The following UPF2 variants were observed in gnomAD, a reference collection of about 807,000 sequenced individuals.
UPF2 encodes regulator of nonsense transcripts 2.
A neutral mutation model predicts 141.4 loss-of-function variants in UPF2; 17 were observed. The ratio of observed to expected loss-of-function variants is 0.12; its 90% CI spans 0.08 to 0.18. UPF2 has a LOEUF of 0.18. Ranked by LOEUF, UPF2 falls within the 10% of genes least tolerant of loss-of-function variation. The pLI, the probability that UPF2 is intolerant of heterozygous loss-of-function variation, is 1.00. For synonymous variants in UPF2, 540 were observed against 498.0 expected, an observed-to-expected ratio of 1.08 and a Z score of -1.12; for missense variants, 1,152 against 1,515.9, an observed-to-expected ratio of 0.76 and a Z score of 3.99.
At chr10:12,004,117 G>C (rs1833996690) in intron 5 of UPF2, among the ~76,000 whole-genome samples, 1 of 151,956 alleles carries the variant, frequency 6.6e-6, no homozygotes. Context: ...CGACCTAAAA[G>C]CTCTGACTTC....
intron 18 of UPF2, among the ~76,000 whole-genome samples, chr10:11,938,352 C>T (rs1430432074): frequency 6.6e-6 from 1 of 151,992 alleles, no homozygotes; most frequent in Non-Finnish European, 1.5e-5. Flanking sequence ...TTTTCTATCA[C>T]AATGTGACAT....
intron 10 of UPF2, among the ~76,000 whole-genome samples, chr10:11,966,304 T>G (rs1833318830): frequency 6.6e-6 from 1 of 152,270 alleles, no homozygotes; most frequent in Admixed American, 6.5e-5. Context: ...ATATTTACTC[T>G]GTTACTTGAC....
At chr10:12,003,556 C>A (rs1021880052) in intron 5 of UPF2, among the ~76,000 whole-genome samples, 1 of 152,108 alleles carries the variant, frequency 6.6e-6, no homozygotes, top group African/African-American at 2.4e-5. Context: ...ACAATGTTAA[C>A]AATTTTAAAT....
chr10:12,016,551 G>A lies in UPF2; in HGVS notation c.1146-2367C>T, dbSNP rs535429984. Among the ~76,000 whole-genome samples the A allele has an allele frequency of 9.2e-5, 14 of 152,036 alleles. 1 individual carries two copies. The highest frequency in any genetic ancestry group is 6.2e-4 in the South Asian group (3 of 4,818). On this transcript the variant is annotated intron_variant, in intron 3 of 21. Coordinates refer to ENST00000357604, the MANE Select transcript of UPF2 (RefSeq NM_015542.4). The surrounding 1 kb of genome is among the most constrained non-coding windows in gnomAD (Gnocchi z 4.1). ...TCTACTAAAAATACAAAAATTAGCC[G>A]GGTGTGGTGGTAGGTGCCTGTAATC... is the stretch of plus-strand genomic sequence containing the variant.
chr10:11,951,122 G>T (rs182482325), intron 15 of UPF2, among the ~76,000 whole-genome samples: 1 of 152,080 alleles, frequency 6.6e-6, no homozygotes, highest in African/African-American at 2.4e-5. Context: ...TAGTGCAATG[G>T]CGTGATCTTG....
At position 11,998,635 on chromosome 10, in the gene UPF2, G is replaced by GT. The variant is rs1232167441; in HGVS notation, c.1759-879dup. 6.6e-6 allele frequency among the ~76,000 whole-genome samples: 1 copy of GT among 151,952 alleles called. No homozygotes were observed. The highest frequency in any genetic ancestry group is 1.5e-5 in the Non-Finnish European group (1 of 67,948). ...TGGGAGGCCGAGGTGGGTGGATCAC[G>GT]TGAGGTCAGGAGTTCAAGACCAGCC... On this transcript the variant is annotated intron_variant, in intron 7 of 21. Coordinates refer to ENST00000357604, the MANE Select transcript of UPF2 (RefSeq NM_015542.4). This position sits in a 1 kb window ranked among gnomAD's most constrained non-coding sequence, Gnocchi z 4.5.
intron 19 of UPF2, among the ~76,000 whole-genome samples, chr10:11,932,711 A>C (rs1449677943): frequency 1.3e-5 from 2 of 152,240 alleles, no homozygotes; most frequent in African/African-American, 4.8e-5. Flanking sequence ...TGATAAAAAT[A>C]TTGAAGTCAC....
At chr10:11,961,486 A>G (rs1243662042) in intron 11 of UPF2, among the ~76,000 whole-genome samples, 1 of 151,926 alleles carries the variant, frequency 6.6e-6, no homozygotes, top group African/African-American at 2.4e-5. Flanking sequence ...GTGTGTTCCT[A>G]GTAGGGAGCA....
rs371689361 is a variant in UPF2, at chr10:11,948,040, G to C, written c.3174+329C>G. Among the ~76,000 whole-genome samples, 3 of 151,688 alleles carry C rather than the reference G, an allele frequency of 2.0e-5. No individual in the cohort carries two copies. In the South Asian group the frequency reaches 6.2e-4, roughly 31 times the overall value. The stretch of plus-strand genomic sequence containing the variant: ...AGAGGGGCAGATCACCTGAAGTCAG[G>C]GGTTCAAGACCAGCCTGGCCAACAT... On this transcript the variant is annotated intron_variant, in intron 16 of 21. Transcript: ENST00000357604.
In UPF2 at chr10:11,921,167, C is replaced by T; in HGVS notation, c.*131G>A. 7.8e-7 allele frequency: 1 copy of T among 1,281,522 alleles called. No individual in the cohort carries two copies. Among genetic ancestry groups the T allele is most frequent in the Non-Finnish European group, 1.1e-6 (1 of 877,064 alleles). 79.4% of individuals were successfully genotyped at this position (1,281,522 alleles called of 1,614,324 possible). A position where few individuals can be genotyped will look rare whatever the true frequency, so the allele number is the denominator to read the frequency against. Reference sequence around the variant, plus strand: ...TTTCTGCCTCCTGGCCCCAGCCTGTCCCAGGTTTAGATTCGCAACTCTCTA... The same window carrying T: ...TTTCTGCCTCCTGGCCCCAGCCTGTTCCAGGTTTAGATTCGCAACTCTCTA... On this transcript the variant is annotated 3_prime_UTR_variant, in exon 22 of 22. Coordinates refer to ENST00000357604, the MANE Select transcript of UPF2 (RefSeq NM_015542.4). This position sits in a 1 kb window ranked among gnomAD's most constrained non-coding sequence, Gnocchi z 5.9.
Position 11,955,232 on chromosome 10 carries a change from C to A in UPF2, c.2850G>T (p.Gln950His). ...AAACTGAATATTTCAGCTTATATAC[C>A]TGAAAATATACAAGGAAACAATCAA... ...RKLDCFLVYF[Q>H]RYVWWKKSLE... The change falls in exon 14 of 22, where the codon CAG becomes CAT. Residue 950 changes from glutamine (Q) to histidine (H), a missense_variant and splice_region_variant. By Grantham distance (24) the Gln-to-His change is conservative (BLOSUM62 0). Coordinates refer to ENST00000357604, the MANE Select transcript of UPF2 (RefSeq NM_015542.4). 1 of 1,577,058 alleles carries A rather than the reference C, an allele frequency of 6.3e-7. No individual in the cohort carries two copies. Among genetic ancestry groups the A allele is most frequent in the Non-Finnish European group, 8.6e-7 (1 of 1,159,710 alleles).
chr10:11,929,723 T>C lies in UPF2; in HGVS notation c.3809+142A>G, dbSNP rs1291559387. 7 of 1,211,948 alleles carry C rather than the reference T, an allele frequency of 5.8e-6. No individual in the cohort carries two copies. The East Asian group carries it at 1.5e-4, about 25-fold the overall frequency. The allele number at this position is 1,211,948 out of a possible 1,614,324, so 75.1% of individuals were successfully genotyped here. A position where few individuals can be genotyped will look rare whatever the true frequency, so the allele number is the denominator to read the frequency against. On this transcript the variant is annotated intron_variant, in intron 21 of 21. Transcript: ENST00000357604. Reference sequence around the variant, plus strand: ...TTTTTCCCCCTCAAATATCTACTTTTCTATTTTGCTAAAATATCAAAGACT... The same window carrying C: ...TTTTTCCCCCTCAAATATCTACTTTCCTATTTTGCTAAAATATCAAAGACT...
intron 4 of UPF2, among the ~76,000 whole-genome samples, chr10:12,012,820 A>G (rs911255195): frequency 2.0e-5 from 3 of 151,592 alleles, no homozygotes; most frequent in African/African-American, 7.3e-5. Flanking sequence ...AAAACATTTA[A>G]AAAGTTTGAG....
intron 15 of UPF2, 125 bp downstream of exon 15, chr10:11,951,941 G>C: frequency 3.0e-6 from 3 of 990,466 alleles, no homozygotes; most frequent in Admixed American, 2.1e-5. Context: ...ACACTACTAC[G>C]TAACACTCAA....
At chr10:11,925,265 G>C (rs17556860) in intron 21 of UPF2, among the ~76,000 whole-genome samples, 1 of 152,178 alleles carries the variant, frequency 6.6e-6, no homozygotes, top group African/African-American at 2.4e-5. Flanking sequence ...ATACTTTACA[G>C]AGTGCTATTC....
At chr10:11,954,643 A>AAAAATAT (rs1439199969) in intron 14 of UPF2, among the ~76,000 whole-genome samples, 20 of 128,354 alleles carry the variant, frequency 1.6e-4, no homozygotes, top group South Asian at 7.6e-4. Context: ...CAAAAAAAAA[A>AAAAATAT]ATATATATAT....
rs1443520937 is a variant in UPF2, at chr10:11,959,021, C to A, written c.2370+150G>T. The A allele has an allele frequency of 1.7e-6, 1 of 578,404 alleles. No individual in the cohort carries two copies. Among genetic ancestry groups the A allele is most frequent in the Non-Finnish European group, 2.6e-6 (1 of 383,804 alleles). The allele number at this position is 578,404 out of a possible 1,614,324, so 35.8% of individuals were successfully genotyped here. ...AACCTATGTCCCAAATATTATATAT[C>A]ATCATAAGAATTCCTTCTTAGGGTG... On this transcript the variant is annotated intron_variant, in intron 12 of 21. Coordinates refer to ENST00000357604, the MANE Select transcript of UPF2 (RefSeq NM_015542.4). The surrounding 1 kb of genome is among the most constrained non-coding windows in gnomAD (Gnocchi z 5.9).
At chr10:11,987,587 G>A (rs952892361) in intron 8 of UPF2, among the ~76,000 whole-genome samples, 17 of 151,208 alleles carry the variant, frequency 1.1e-4, no homozygotes, top group Non-Finnish European at 1.6e-4. Context: ...ATGAAACCCC[G>A]TCTCTACTAA....
chr10:12,006,815 A>C (rs1314428544), intron 4 of UPF2, among the ~76,000 whole-genome samples: 9 of 152,156 alleles, frequency 5.9e-5, no homozygotes, highest in Admixed American at 4.6e-4. Context: ...GTTATTCATA[A>C]CAAGCTTTTT....
Sources: allele counts gnomAD v4.1 joint callset (sites outside exome capture counted in the v4.1 genomes callset), GRCh38; gene constraint gnomAD v4.1.1; non-coding constraint Gnocchi (gnomAD v3.1); transcripts MANE v1.5; gene names NCBI Gene and HGNC (gene_info 2026-07-23, HGNC 2026-07-21).